Variants in PDK1 observed in about 807,000 individuals in gnomAD.
PDK1 encodes [Pyruvate dehydrogenase (acetyl-transferring)] kinase isozyme 1, mitochondrial.
Under a neutral mutation model 54.2 loss-of-function variants are expected in PDK1, and 39 were observed. The observed-to-expected ratio is 0.72, with a 90% confidence interval of 0.56 to 0.94. The LOEUF is 0.94. Among genes scored for constraint, PDK1 ranks in the 40% least tolerant of loss-of-function variants. The pLI, the probability that PDK1 is intolerant of heterozygous loss-of-function variation, is 0.00. For synonymous variants in PDK1, 221 were observed against 207.1 expected (o/e 1.07, Z -0.58); for missense variants, 552 against 566.0 (o/e 0.98, Z 0.25).
At chr2:172,574,187 A>G (rs1200647747) in intron 8 of PDK1, among the ~76,000 whole-genome samples, 1 of 152,180 alleles carries the variant, frequency 6.6e-6, no homozygotes, top group Admixed American at 6.5e-5. Context: ...TGAAAAACCT[A>G]TTCTTTCCCC....
the PDK1 span, among the ~76,000 whole-genome samples, chr2:172,636,651 G>A: frequency 1.5e-4 from 23 of 151,908 alleles, no homozygotes; most frequent in South Asian, 4.8e-3. Context: ...AACCTGGGAG[G>A]TGGAGGTTGC....
chr2:172,565,952 G>C (rs577055116), intron 5 of PDK1, among the ~76,000 whole-genome samples: 3 of 152,172 alleles, frequency 2.0e-5, no homozygotes, highest in Admixed American at 1.3e-4. Flanking sequence ...AATACCAGCA[G>C]TACTGCTGTG....
chr2:172,589,198 TTTC>T (rs1392825320), intron 9 of PDK1, among the ~76,000 whole-genome samples: 1 of 152,210 alleles, frequency 6.6e-6, no homozygotes, highest in East Asian at 1.9e-4. Context: ...CTCATACAGT[TTTC>T]TTCGGGCCAC....
chr2:172,711,687 A>C, the PDK1 span, among the ~76,000 whole-genome samples: 2 of 152,010 alleles, frequency 1.3e-5, no homozygotes, highest in Non-Finnish European at 2.9e-5. Flanking sequence ...CAACATAGTG[A>C]AATGCTGTCT....
the PDK1 span, among the ~76,000 whole-genome samples, chr2:172,627,194 C>T: frequency 6.6e-6 from 1 of 152,212 alleles, no homozygotes; most frequent in East Asian, 1.9e-4. Context: ...TCCAGGGCCA[C>T]CTGTGGATTG....
the PDK1 span, among the ~76,000 whole-genome samples, chr2:172,649,768 C>T: frequency 3.3e-5 from 5 of 151,954 alleles, no homozygotes; most frequent in African/African-American, 4.8e-5. Context: ...TGAAATGAAG[C>T]GAGAACAGAA....
In PDK1 at chr2:172,606,299, T is replaced by C. The variant is rs1227227166; in HGVS notation, c.*10330T>C. The C allele has an allele frequency of 6.6e-6, 1 of 152,240 alleles. No homozygotes were observed. Among genetic ancestry groups the C allele is most frequent in the Non-Finnish European group, 1.5e-5 (1 of 68,052 alleles). 9.4% of individuals were successfully genotyped at this position (152,240 alleles called of 1,614,324 possible). On this transcript the variant is annotated 3_prime_UTR_variant, in exon 11 of 11. Transcript: ENST00000282077. Reference sequence around the variant, plus strand: ...CATCCTCTGGAAGGTAAAGAAGATCTCCTCTCTCTTAGAACTTAATCAAAC... The same window carrying C: ...CATCCTCTGGAAGGTAAAGAAGATCCCCTCTCTCTTAGAACTTAATCAAAC...
At chr2:172,618,850 G>T in the PDK1 span, among the ~76,000 whole-genome samples, 1 of 152,192 alleles carries the variant, frequency 6.6e-6, no homozygotes, top group African/African-American at 2.4e-5. Context: ...TGGCTCTTCA[G>T]AGTTGTCCCA....
chr2:172,571,849 T>TTTTG (rs1553480311), intron 8 of PDK1, among the ~76,000 whole-genome samples: 4 of 136,764 alleles, frequency 2.9e-5, no homozygotes, highest in Non-Finnish European at 3.2e-5. Flanking sequence ...TTTTTTTTTT[T>TTTTG]GAGATGGAGT....
At chr2:172,584,489 T>C (rs1690097753) in intron 8 of PDK1, among the ~76,000 whole-genome samples, 1 of 151,948 alleles carries the variant, frequency 6.6e-6, no homozygotes, top group Admixed American at 6.6e-5. Context: ...TAGAATGTAC[T>C]TTCTTTTACT....
chr2:172,692,549 G>T, the PDK1 span, among the ~76,000 whole-genome samples: 2 of 152,196 alleles, frequency 1.3e-5, no homozygotes, highest in Admixed American at 1.3e-4. Flanking sequence ...TTTGTAGAGA[G>T]AAGAGTTTAT....
At chr2:172,682,906 A>G in the PDK1 span, among the ~76,000 whole-genome samples, 8,569 of 152,252 alleles carry the variant, frequency 0.056, 1,009 homozygotes, top group East Asian at 0.54. Context: ...TTGAAGGTAG[A>G]GCCCATAGAC....
the PDK1 span, among the ~76,000 whole-genome samples, chr2:172,684,343 G>T: frequency 3.3e-5 from 5 of 152,194 alleles, no homozygotes; most frequent in South Asian, 6.2e-4. Flanking sequence ...GATTGCTTAA[G>T]CCTGGGAGGT....
At chr2:172,658,514 G>C in the PDK1 span, among the ~76,000 whole-genome samples, 1 of 152,144 alleles carries the variant, frequency 6.6e-6, no homozygotes, top group Non-Finnish European at 1.5e-5. Context: ...GCAATTTTTA[G>C]GGAACAAGGG....
At chr2:172,563,075 T>A (rs1314734250) in intron 3 of PDK1, among the ~76,000 whole-genome samples, 1 of 152,252 alleles carries the variant, frequency 6.6e-6, no homozygotes, top group Non-Finnish European at 1.5e-5. Flanking sequence ...TGTTTTTTAA[T>A]CTTTAAAACA....
In PDK1 at chr2:172,596,903, A is replaced by C. The variant is rs1004743538; in HGVS notation, c.*934A>C. ...ACCCTAGGTTGGGAACCACTCTTTCAAAGTAAACAGTGATGACACAGCATT... is the reference window on the plus strand; with the variant it reads ...ACCCTAGGTTGGGAACCACTCTTTCCAAGTAAACAGTGATGACACAGCATT... On this transcript the variant is annotated 3_prime_UTR_variant, in exon 11 of 11. Transcript: ENST00000282077. The C allele has an allele frequency of 2.0e-5, 3 of 152,204 alleles. No homozygotes were observed. Among genetic ancestry groups the C allele is most frequent in the Non-Finnish European group, 2.9e-5 (2 of 68,040 alleles). 9.4% of individuals were successfully genotyped at this position (152,204 alleles called of 1,614,324 possible).
At chr2:172,720,708 T>C in the PDK1 span, among the ~76,000 whole-genome samples, 1 of 152,178 alleles carries the variant, frequency 6.6e-6, no homozygotes, top group Non-Finnish European at 1.5e-5. Flanking sequence ...GCTCTTCCAA[T>C]AATGACAAGG....
chr2:172,710,095 C>A, the PDK1 span, among the ~76,000 whole-genome samples: 1 of 152,148 alleles, frequency 6.6e-6, no homozygotes, highest in East Asian at 1.9e-4. Flanking sequence ...GAACTTAGTG[C>A]AGGTGAACTC....
At chr2:172,657,995 G>A in the PDK1 span, among the ~76,000 whole-genome samples, 1 of 152,150 alleles carries the variant, frequency 6.6e-6, no homozygotes, top group African/African-American at 2.4e-5. Context: ...TGGGGAGAGA[G>A]GAAGCAAGAG....
Sources: allele counts gnomAD v4.1 joint callset (sites outside exome capture counted in the v4.1 genomes callset), GRCh38; gene constraint gnomAD v4.1.1; transcripts MANE v1.5; gene names NCBI Gene and HGNC (gene_info 2026-07-23, HGNC 2026-07-21).